The following CA10 variants were observed in gnomAD, a reference collection of about 807,000 sequenced individuals.
CA10 encodes the protein carbonic anhydrase 10 (inactive), also known as carbonic anhydrase-related protein 10.
Under a neutral mutation model 44.2 loss-of-function variants are expected in CA10, and 14 were observed. The observed-to-expected ratio is 0.32, with a 90% confidence interval of 0.21 to 0.50. The LOEUF (loss-of-function observed/expected upper bound fraction) is 0.50, where lower values mean the gene tolerates loss of function less well. CA10 is among the 20% of genes least tolerant of loss of function. CA10 has a pLI of 0.99. For missense variants in CA10, 350 were observed against 409.7 expected, an observed-to-expected ratio of 0.85 and a Z score of 1.26; for synonymous variants, 159 against 141.6, an observed-to-expected ratio of 1.12 and a Z score of -0.87.
chr17:52,136,933 T>C (rs1452150376), intron 1 of CA10, among the ~76,000 whole-genome samples: 2 of 152,200 alleles, frequency 1.3e-5, no homozygotes, highest in South Asian at 2.1e-4. Context: ...TGTAAAATAA[T>C]GTGATCTTTT....
rs368786960 is a variant in CA10, at chr17:51,986,393, G to T, written c.137-55261C>A. Among the ~76,000 whole-genome samples the T allele has an allele frequency of 7.2e-5, 11 of 152,058 alleles. No individual in the cohort carries two copies. In the East Asian group the frequency reaches 2.1e-3, roughly 29 times the overall value. The stretch of plus-strand genomic sequence containing the variant: ...GGACTTAAATCTAAGACCTGAAACT[G>T]TAAAAATTCCAGAAGATAACATCAG... On this transcript the variant is annotated intron_variant, in intron 2 of 8. Coordinates refer to ENST00000451037, the MANE Select transcript of CA10 (RefSeq NM_020178.5).
At chr17:51,988,873 T>G (rs1266032068) in intron 2 of CA10, among the ~76,000 whole-genome samples, 2 of 152,062 alleles carry the variant, frequency 1.3e-5, no homozygotes, top group Non-Finnish European at 2.9e-5. Context: ...GTATTATAGT[T>G]TCAAAAATAT....
intron 4 of CA10, among the ~76,000 whole-genome samples, chr17:51,661,265 CTGTCT>C (rs1463280807): frequency 6.6e-6 from 1 of 152,176 alleles, no homozygotes; most frequent in African/African-American, 2.4e-5. Flanking sequence ...GCAATGCAGG[CTGTCT>C]ATTGTACAAT....
intron 3 of CA10, among the ~76,000 whole-genome samples, chr17:51,930,393 C>T (rs1345576481): frequency 3.3e-5 from 5 of 152,022 alleles, no homozygotes; most frequent in Admixed American, 6.6e-5. Flanking sequence ...TGTGCCCTTC[C>T]ACAAATTAAA....
chr17:51,706,123 T>C (rs1035566426), intron 4 of CA10, among the ~76,000 whole-genome samples: 7 of 152,144 alleles, frequency 4.6e-5, no homozygotes, highest in Non-Finnish European at 8.8e-5. Context: ...AATTTCCTTA[T>C]TTATGGGGAT....
chr17:51,902,836 G>A (rs1981377532), intron 3 of CA10, among the ~76,000 whole-genome samples: 1 of 152,168 alleles, frequency 6.6e-6, no homozygotes, highest in African/African-American at 2.4e-5. Flanking sequence ...GGCATTCAGT[G>A]ATGCTTGTCT....
At chr17:52,078,171 G>A (rs145676176) in intron 1 of CA10, among the ~76,000 whole-genome samples, 9 of 152,252 alleles carry the variant, frequency 5.9e-5, no homozygotes, top group East Asian at 5.8e-4. Flanking sequence ...ACATAACTGC[G>A]AAATACCTCC....
At chr17:52,058,274 TATA>T (rs1427285502) in intron 2 of CA10, among the ~76,000 whole-genome samples, 2 of 152,154 alleles carry the variant, frequency 1.3e-5, no homozygotes, top group Non-Finnish European at 1.5e-5. Context: ...AAAGCAAAAT[TATA>T]ATAATAAAAA....
intron 4 of CA10, among the ~76,000 whole-genome samples, chr17:51,658,999 G>T (rs549732972): frequency 6.6e-6 from 1 of 152,266 alleles, no homozygotes; most frequent in Non-Finnish European, 1.5e-5. Flanking sequence ...TCACCCAGGA[G>T]GCAAATTTGT....
intron 2 of CA10, among the ~76,000 whole-genome samples, chr17:51,932,025 G>T (rs948191802): frequency 1.3e-5 from 2 of 152,082 alleles, no homozygotes; most frequent in Admixed American, 6.6e-5. Context: ...ATTCCCCTGA[G>T]ATTATATGGC....
chr17:52,158,916 G>A (rs1043932150), upstream of CA10, among the ~76,000 whole-genome samples: 1 of 152,128 alleles, frequency 6.6e-6, no homozygotes, highest in African/African-American at 2.4e-5. Context: ...GGGGAGGTGA[G>A]GCTGAGCGCG....
chr17:51,680,997 G>T (rs1567801205), intron 4 of CA10, among the ~76,000 whole-genome samples: 1 of 152,126 alleles, frequency 6.6e-6, no homozygotes, highest in Non-Finnish European at 1.5e-5. Flanking sequence ...GAATATTTAT[G>T]GTGCCTATGA....
At chr17:52,030,653 G>A (rs1297475481) in intron 2 of CA10, among the ~76,000 whole-genome samples, 1 of 152,128 alleles carries the variant, frequency 6.6e-6, no homozygotes, top group East Asian at 1.9e-4. Flanking sequence ...ATTAGCATGT[G>A]GGTCTGAGTA....
chr17:52,033,808 A>C (rs1422278406), intron 2 of CA10, among the ~76,000 whole-genome samples: 1 of 152,206 alleles, frequency 6.6e-6, no homozygotes, highest in Admixed American at 6.5e-5. Context: ...TCTTTTGATC[A>C]ATTATATACA....
At chr17:51,900,126 A>C (rs1458706786) in intron 3 of CA10, among the ~76,000 whole-genome samples, 1 of 152,068 alleles carries the variant, frequency 6.6e-6, no homozygotes, top group Non-Finnish European at 1.5e-5. Context: ...TTATAGTGTC[A>C]ATATTCTACA....
At chr17:52,124,807 C>T (rs1350090368) in intron 1 of CA10, among the ~76,000 whole-genome samples, 1 of 152,182 alleles carries the variant, frequency 6.6e-6, no homozygotes, top group Non-Finnish European at 1.5e-5. Context: ...ACTTAGGAAT[C>T]TTTCTCACTG....
At chr17:51,738,466 C>T (rs1916985358) in intron 4 of CA10, among the ~76,000 whole-genome samples, 1 of 152,140 alleles carries the variant, frequency 6.6e-6, no homozygotes, top group Non-Finnish European at 1.5e-5. Context: ...GTTCTTAATG[C>T]AATAGTATGA....
intron 3 of CA10, among the ~76,000 whole-genome samples, chr17:51,912,024 A>G (rs1000537478): frequency 6.6e-6 from 1 of 152,166 alleles, no homozygotes; most frequent in Non-Finnish European, 1.5e-5. Flanking sequence ...ACTACACTTC[A>G]TGAAGACTAA....
intron 1 of CA10, among the ~76,000 whole-genome samples, chr17:52,097,159 A>G: frequency 6.6e-6 from 1 of 152,184 alleles, no homozygotes; most frequent in East Asian, 1.9e-4. Context: ...GCTTAATTGT[A>G]GAGTATGCCT....
Sources: gnomAD v4.1 joint callset for allele counts (sites outside exome capture counted in the v4.1 genomes callset) on GRCh38, gnomAD v4.1.1 for gene constraint, MANE v1.5 for transcripts, NCBI Gene and HGNC (gene_info 2026-07-23, HGNC 2026-07-21) for gene names.